DSTN: variants seen among roughly 807,000 people sequenced by gnomAD.
DSTN encodes destrin.
Under a neutral mutation model 16.8 loss-of-function variants are expected in DSTN, and 10 were observed. The observed-to-expected ratio is 0.60, with a 90% CI of 0.37 to 1.01. The LOEUF is 1.01. DSTN is among the 50% of genes least tolerant of loss of function. The probability of loss-of-function intolerance (pLI) is 0.01; values close to 1 mark genes in which losing one functional copy is unlikely to be tolerated. For synonymous variants in DSTN, 57 were observed against 58.9 expected (o/e 0.97, Z 0.14); for missense variants, 141 against 196.7 (o/e 0.72, Z 1.69).
intron 1 of DSTN, among the ~76,000 whole-genome samples, chr20:17,571,123 ACTG>A (rs1458396539): frequency 6.6e-6 from 1 of 152,292 alleles, no homozygotes; most frequent in South Asian, 2.1e-4. Context: ...CCCCCTTTAC[ACTG>A]TCACTCTAAT....
chr20:17,597,080 T>C (rs1469219260), intron 1 of DSTN, among the ~76,000 whole-genome samples: 2 of 152,364 alleles, frequency 1.3e-5, no homozygotes, highest in East Asian at 3.9e-4. Context: ...CTTCAATTTT[T>C]GTTGCTTTGA....
intron 1 of DSTN, among the ~76,000 whole-genome samples, chr20:17,582,043 T>C (rs964762250): frequency 1.3e-5 from 2 of 151,614 alleles, no homozygotes; most frequent in Non-Finnish European, 2.9e-5. Flanking sequence ...TTCAATAATA[T>C]ACAAGAAAAA....
intron 1 of DSTN, among the ~76,000 whole-genome samples, chr20:17,574,870 G>GTTTTTTTTTTTTTTTTTT (rs533880691): frequency 8.6e-5 from 7 of 81,168 alleles, no homozygotes; most frequent in South Asian, 6.0e-4. Flanking sequence ...CTTTTCTTTT[G>GTTTTTTTTTTTTTTTTTT]TTTTTTTTTT....
intron 2 of DSTN, 84 bp downstream of exon 2, chr20:17,601,129 T>C: frequency 7.0e-7 from 1 of 1,435,586 alleles, no homozygotes; most frequent in Non-Finnish European, 9.3e-7. Flanking sequence ...AAAGTAATTT[T>C]TATTCAAACT....
At chr20:17,595,496 T>A (rs551119127) in intron 1 of DSTN, among the ~76,000 whole-genome samples, 1 of 152,268 alleles carries the variant, frequency 6.6e-6, no homozygotes, top group East Asian at 1.9e-4. Context: ...CTGATATTGT[T>A]AATTTTATGA....
chr20:17,575,609 G>A (rs1272803966), intron 1 of DSTN, among the ~76,000 whole-genome samples: 3 of 151,892 alleles, frequency 2.0e-5, no homozygotes, highest in African/African-American at 4.8e-5. Flanking sequence ...CTATATATAG[G>A]CAGGCACAAC....
At chr20:17,587,590 T>C (rs2035425337) in intron 1 of DSTN, among the ~76,000 whole-genome samples, 2 of 152,240 alleles carry the variant, frequency 1.3e-5, no homozygotes, top group South Asian at 4.1e-4. Flanking sequence ...CCATAGTTAA[T>C]TGTAGTAAAC....
intron 1 of DSTN, among the ~76,000 whole-genome samples, chr20:17,588,848 T>G (rs1035228153): frequency 5.9e-5 from 9 of 152,094 alleles, no homozygotes; most frequent in African/African-American, 2.2e-4. Context: ...TCTAGAACAG[T>G]GGGACAAAGG....
At chr20:17,582,715 T>C (rs1200439073) in intron 1 of DSTN, among the ~76,000 whole-genome samples, 1 of 152,206 alleles carries the variant, frequency 6.6e-6, no homozygotes, top group African/African-American at 2.4e-5. Flanking sequence ...AAATGGATCA[T>C]AAATCTAAAT....
Position 17,596,927 on chromosome 20 carries a change from T to C in DSTN, c.4-3811T>C, listed in dbSNP as rs1052546920. On this transcript the variant is annotated intron_variant, in intron 1 of 3. Coordinates refer to ENST00000246069, the MANE Select transcript of DSTN (RefSeq NM_006870.4). Reference sequence around the variant, plus strand: ...TTAGAATGTTTGAGATGCTTAGATATTGATTGATGTATTTAAAGATTGGTT... The same window carrying C: ...TTAGAATGTTTGAGATGCTTAGATACTGATTGATGTATTTAAAGATTGGTT... 1.6e-5 allele frequency: 10 copies of C among 632,448 alleles called. No homozygotes were observed. In the African/African-American group the frequency reaches 2.0e-4, roughly 13 times the overall value. The allele number at this position is 632,448 out of a possible 1,614,324, so 39.2% of individuals were successfully genotyped here. A position where few individuals can be genotyped will look rare whatever the true frequency, so the allele number is the denominator to read the frequency against.
At chr20:17,583,919 T>A (rs2122176439) in intron 1 of DSTN, among the ~76,000 whole-genome samples, 1 of 152,038 alleles carries the variant, frequency 6.6e-6, no homozygotes, top group South Asian at 2.1e-4. Context: ...AAAGTTTTTT[T>A]GTCAAGATGA....
chr20:17,571,793 T>C (rs996819055), intron 1 of DSTN, among the ~76,000 whole-genome samples: 1 of 152,238 alleles, frequency 6.6e-6, no homozygotes, highest in Non-Finnish European at 1.5e-5. Context: ...TGCTTAGTTT[T>C]AGTTAAAGCT....
chr20:17,604,238 T>G (rs2122210965), intron 2 of DSTN, among the ~76,000 whole-genome samples: 1 of 152,316 alleles, frequency 6.6e-6, no homozygotes, highest in African/African-American at 2.4e-5. Flanking sequence ...AAGAATTGGG[T>G]TATACAGTGA....
rs118000102 is a variant in DSTN at position 17,607,788 on chromosome 20, G to T, written c.*642G>T. Reference sequence around the variant, plus strand: ...CTCGCCATTCACTGATTGGAAGAGTGACCTGGCATCTTGGAAATCATTGTG... The same window carrying T: ...CTCGCCATTCACTGATTGGAAGAGTTACCTGGCATCTTGGAAATCATTGTG... On this transcript the variant is annotated 3_prime_UTR_variant, in exon 4 of 4. Transcript: ENST00000246069. 11 of 152,356 alleles carry T rather than the reference G, an allele frequency of 7.2e-5. No homozygotes were observed. The East Asian group carries it at 2.1e-3, about 29-fold the overall frequency. 9.4% of individuals were successfully genotyped at this position (152,356 alleles called of 1,614,324 possible). A position where few individuals can be genotyped will look rare whatever the true frequency, so the allele number is the denominator to read the frequency against.
intron 1 of DSTN, among the ~76,000 whole-genome samples, chr20:17,597,371 A>G (rs2035537332): frequency 4.6e-5 from 7 of 152,140 alleles, no homozygotes; most frequent in Admixed American, 4.6e-4. Context: ...AGATGATGAA[A>G]TAGCCCAGTT....
chr20:17,598,884 A>C (rs8117083), intron 1 of DSTN, among the ~76,000 whole-genome samples: 10,603 of 152,114 alleles, frequency 0.07, 597 homozygotes, highest in African/African-American at 0.15. Flanking sequence ...AGGCATAGCT[A>C]CTACCCAGCC....
intron 1 of DSTN, among the ~76,000 whole-genome samples, chr20:17,574,236 C>T (rs1300962606): frequency 6.6e-6 from 1 of 152,060 alleles, no homozygotes; most frequent in African/African-American, 2.4e-5. Context: ...ATACCAGAAC[C>T]TCATACTGAG....
At chr20:17,604,867 A>G (rs916985530) in intron 3 of DSTN, among the ~76,000 whole-genome samples, 3 of 152,166 alleles carry the variant, frequency 2.0e-5, no homozygotes, top group Admixed American at 1.3e-4. Context: ...GACATTGTCT[A>G]TATATATCGT....
chr20:17,600,584 TTAG>T lies in DSTN; in HGVS notation c.4-149_4-147del, dbSNP rs565932189. Among the ~76,000 whole-genome samples the T allele has an allele frequency of 1.4e-3, 211 of 152,324 alleles. 1 individual carries two copies. Among genetic ancestry groups the T allele is most frequent in the South Asian group, 3.7e-3 (18 of 4,824 alleles). On this transcript the variant is annotated intron_variant, in intron 1 of 3. Transcript: ENST00000246069. ...CTTTTAAAAAGTTTGATGTCTAAAA[TTAG>T]TAGTGATTACAGCTCAAATTTCTAG...
Sources: gnomAD v4.1 joint callset for allele counts (sites outside exome capture counted in the v4.1 genomes callset) on GRCh38, gnomAD v4.1.1 for gene constraint, MANE v1.5 for transcripts, NCBI Gene and HGNC (gene_info 2026-07-23, HGNC 2026-07-21) for gene names.